The following TEX11 variants were observed in gnomAD, a reference collection of about 807,000 sequenced individuals.
TEX11 encodes the protein testis expressed 11.
Under a neutral mutation model 84.4 loss-of-function variants are expected in TEX11, and 7 were observed. That is an observed-to-expected ratio of 0.08 (90% CI 0.05 to 0.16). The LOEUF (loss-of-function observed/expected upper bound fraction) is 0.16, where lower values mean the gene tolerates loss of function less well. TEX11 is among the 10% of genes least tolerant of loss of function. The pLI is 1.00. For missense variants in TEX11, 551 were observed against 660.5 expected (o/e 0.83, Z 1.82); for synonymous variants, 264 against 222.8 (o/e 1.18, Z -1.64).
chrX:70,786,551 C>T (rs2091080585), intron 9 of TEX11, among the ~76,000 whole-genome samples: 2 of 111,602 alleles, frequency 1.8e-5, no homozygotes, highest in South Asian at 7.5e-4. Context: ...AGGGGGAATG[C>T]TTCCAAACTT....
At chrX:70,730,945 C>T (rs1225999523) in intron 11 of TEX11, among the ~76,000 whole-genome samples, 3 of 112,094 alleles carry the variant, frequency 2.7e-5, no homozygotes, top group African/African-American at 9.7e-5. Context: ...GAAATTATAA[C>T]AAACAGTCTC....
At chrX:70,704,099 C>T (rs2090349094) in intron 13 of TEX11, among the ~76,000 whole-genome samples, 1 of 109,146 alleles carries the variant, frequency 9.2e-6, no homozygotes, top group Non-Finnish European at 1.9e-5. Context: ...CTCTCTCTCT[C>T]TCCCTCTCTG....
the TEX11 span, among the ~76,000 whole-genome samples, chrX:70,519,083 C>A: frequency 8.9e-6 from 1 of 111,848 alleles, no homozygotes; most frequent in Non-Finnish European, 1.9e-5. Context: ...TAGTCTGTGT[C>A]TTTTAATTGG....
intron 11 of TEX11, among the ~76,000 whole-genome samples, chrX:70,735,579 G>A (rs1458959273): frequency 1.8e-5 from 2 of 111,831 alleles, no homozygotes; most frequent in Admixed American, 1.9e-4. Context: ...CTTATTTATT[G>A]AAAACTACAA....
chrX:70,841,804 C>T (rs1390337015), intron 7 of TEX11, among the ~76,000 whole-genome samples: 1 of 111,030 alleles, frequency 9.0e-6, no homozygotes, highest in Non-Finnish European at 1.9e-5. Context: ...GGGATATCAC[C>T]ACCGATCCCA....
At chrX:70,634,653 C>A (rs946593373) in intron 17 of TEX11, among the ~76,000 whole-genome samples, 1 of 104,986 alleles carries the variant, frequency 9.5e-6, no homozygotes, top group Non-Finnish European at 2.0e-5. Context: ...AAAGGCAATT[C>A]AACAGAGAAA....
intron 2 of TEX11, among the ~76,000 whole-genome samples, chrX:70,905,393 C>G (rs1343017610): frequency 9.0e-6 from 1 of 110,851 alleles, no homozygotes; most frequent in Non-Finnish European, 1.9e-5. Flanking sequence ...TTCAGTCAGA[C>G]CTTTGCTGAA....
chrX:70,817,680 A>G (rs1180438275), intron 8 of TEX11, among the ~76,000 whole-genome samples: 1 of 109,622 alleles, frequency 9.1e-6, no homozygotes, highest in Non-Finnish European at 1.9e-5. Context: ...CCTAGGTGAC[A>G]GAGAGAGTGA....
chrX:70,861,706 A>G (rs2091571147), intron 4 of TEX11, among the ~76,000 whole-genome samples: 1 of 110,124 alleles, frequency 9.1e-6, no homozygotes, highest in African/African-American at 3.3e-5. Flanking sequence ...ACCTCAGGTG[A>G]TCCACCAGCC....
chrX:70,675,661 G>A (rs142639969), intron 15 of TEX11, among the ~76,000 whole-genome samples: 1,064 of 103,570 alleles, frequency 0.01, 14 homozygotes, highest in African/African-American at 0.035. Flanking sequence ...TCAGAGTCTC[G>A]CTCTGTTGCC....
intron 9 of TEX11, among the ~76,000 whole-genome samples, chrX:70,777,966 T>C (rs1006218706): frequency 8.0e-5 from 9 of 112,118 alleles, no homozygotes; most frequent in Non-Finnish European, 1.5e-4. Context: ...GCTGAATGGA[T>C]AAAACAACAA....
chrX:70,590,546 A>G (rs2088915043), intron 25 of TEX11, among the ~76,000 whole-genome samples: 1 of 111,543 alleles, frequency 9.0e-6, no homozygotes, highest in Non-Finnish European at 1.9e-5. Flanking sequence ...AAAGTCTGAA[A>G]AAGCATGTAA....
chrX:70,670,512 T>C lies in TEX11; in HGVS notation c.1245A>G (p.Val415=), dbSNP rs1466510398. ...LWRQAASSFE[V]QNYTDALQWY... ...ATTGTAGGGCATCAGTGTAATTTTG[T>C]ACCTAAAGTTTAAAAAGAAACAACA... Residue 415 remains valine, a splice_region_variant and synonymous_variant, in exon 16 of 30, where the codon GTA becomes GTG. Coordinates refer to ENST00000374333, the MANE Select transcript of TEX11 (RefSeq NM_031276.3). 1 of 1,191,449 alleles carries C rather than the reference T, an allele frequency of 8.4e-7. No homozygotes were observed. Among genetic ancestry groups the C allele is most frequent in the African/African-American group, 1.7e-5 (1 of 57,174 alleles).
intron 25 of TEX11, among the ~76,000 whole-genome samples, chrX:70,578,364 T>C (rs1363560936): frequency 6.2e-5 from 7 of 112,252 alleles, no homozygotes; most frequent in Non-Finnish European, 1.1e-4. Flanking sequence ...TAGTCACTTA[T>C]CTAGTCACTG....
rs1477663643 is a variant in TEX11 at position 70,715,537 on chromosome X, C to T, written c.1004+7081G>A. Among the ~76,000 whole-genome samples, 97 of 111,513 alleles carry T rather than the reference C, an allele frequency of 8.7e-4. 2 individuals carry two copies. In the Admixed American group the frequency reaches 9.2e-3, roughly 11 times the overall value. On this transcript the variant is annotated intron_variant, in intron 13 of 29. Transcript: ENST00000374333. The stretch of plus-strand genomic sequence containing the variant: ...ACTTCTCTTCTCACTTCATTTCATT[C>T]ATTTGATCTTCCACTACTGATACCC...
chrX:70,791,015 G>A (rs995629986), intron 9 of TEX11, among the ~76,000 whole-genome samples: 13 of 111,535 alleles, frequency 1.2e-4, no homozygotes, highest in Non-Finnish European at 7.5e-5. Flanking sequence ...TATGTATACC[G>A]TGGCACATAT....
At chrX:70,537,407 T>C (rs747558642) in intron 28 of TEX11, among the ~76,000 whole-genome samples, 1 of 109,831 alleles carries the variant, frequency 9.1e-6, no homozygotes, top group Admixed American at 9.9e-5. Context: ...GTGCTTCTGC[T>C]GCTCAAGATC....
intron 20 of TEX11, among the ~76,000 whole-genome samples, chrX:70,615,475 AAC>A (rs1216052209): frequency 8.9e-6 from 1 of 112,002 alleles, no homozygotes; most frequent in Non-Finnish European, 1.9e-5. Context: ...ACTATTTGAA[AAC>A]ACACGGTGAG....
At chrX:70,582,975 A>C (rs1050033669) in intron 25 of TEX11, among the ~76,000 whole-genome samples, 43 of 109,907 alleles carry the variant, frequency 3.9e-4, no homozygotes, top group Middle Eastern at 4.7e-3. Context: ...TGAACTCCTG[A>C]CTTCAGGTGA....
Sources: gnomAD v4.1 joint callset for allele counts (sites outside exome capture counted in the v4.1 genomes callset) on GRCh38, gnomAD v4.1.1 for gene constraint, MANE v1.5 for transcripts, NCBI Gene and HGNC (gene_info 2026-07-23, HGNC 2026-07-21) for gene names.